MAST2: variants seen among roughly 807,000 people sequenced by gnomAD.
The protein encoded by MAST2 is microtubule associated serine/threonine kinase 2, also known as microtubule-associated serine/threonine-protein kinase 2.
MAST2 carries 70 observed loss-of-function variants against 147.4 expected under a neutral mutation model. The observed-to-expected ratio is 0.47, with a 90% CI of 0.39 to 0.58. The LOEUF is 0.58. Ranked by LOEUF, MAST2 falls within the 20% of genes least tolerant of loss-of-function variation. MAST2 has a pLI of 0.00. For missense variants in MAST2, 2,080 were observed against 2,302.3 expected (o/e 0.90, Z 1.98); for synonymous variants, 869 against 896.8 (o/e 0.97, Z 0.55).
In MAST2 at chr1:45,900,173, C is replaced by CAAAAAAAAAAAAAAAAA. The variant is rs59051138; in HGVS notation, c.500+17784_500+17800dup. 5.4e-4 allele frequency among the ~76,000 whole-genome samples: 29 copies of CAAAAAAAAAAAAAAAAA among 54,094 alleles called. 5 individuals carry two copies. The highest frequency in any genetic ancestry group is 2.4e-3 in the African/African-American group (27 of 11,380). The allele number at this position is 54,094 out of a possible 152,430, so 35.5% of individuals were successfully genotyped here. A position where few individuals can be genotyped will look rare whatever the true frequency, so the allele number is the denominator to read the frequency against. On this transcript the variant is annotated intron_variant, in intron 4 of 28. Transcript: ENST00000361297. The stretch of plus-strand genomic sequence containing the variant: ...CGACAGAGCGAGACTCTCTCTCTCT[C>CAAAAAAAAAAAAAAAAA]AAAAAAAAAAAAAAAAAAAAAAGAT...
At chr1:46,020,355 C>T (rs1646134424) in intron 11 of MAST2, among the ~76,000 whole-genome samples, 1 of 152,064 alleles carries the variant, frequency 6.6e-6, no homozygotes, top group African/African-American at 2.4e-5. Flanking sequence ...TTCAGTGGGG[C>T]ACAGGGTGGG....
intron 4 of MAST2, among the ~76,000 whole-genome samples, chr1:45,932,331 A>G (rs920900750): frequency 5.3e-5 from 8 of 152,164 alleles, no homozygotes; most frequent in African/African-American, 1.9e-4. Flanking sequence ...TCACCATAGC[A>G]AAAGCTTTCA....
chr1:45,835,362 A>G (rs1482293324), intron 3 of MAST2, among the ~76,000 whole-genome samples: 2 of 152,168 alleles, frequency 1.3e-5, no homozygotes, highest in Non-Finnish European at 2.9e-5. Flanking sequence ...TTAGAAAACA[A>G]TTCTACTAAA....
At position 46,025,802 on chromosome 1, in the gene MAST2, C is replaced by T; in HGVS notation, c.1906C>T (p.Leu636Phe). Residue 636 changes from leucine (L) to phenylalanine (F), a missense_variant, in exon 16 of 29, where the codon CTC (leucine) becomes TTC (phenylalanine). Coordinates refer to ENST00000361297, the MANE Select transcript of MAST2 (RefSeq NM_015112.3). ...CAACTATGGCATCGTGCACCGTGAC[C>T]TCAAGCCTGACAAGTATGTCCACAG... Reference protein sequence around the residue: ...LHNYGIVHRDLKPDNLLITSM... With the variant: ...LHNYGIVHRDFKPDNLLITSM... 1 of 1,614,214 alleles carries T rather than the reference C, an allele frequency of 6.2e-7. No individual in the cohort carries two copies. Among genetic ancestry groups the T allele is most frequent in the Non-Finnish European group, 8.5e-7 (1 of 1,180,036 alleles).
chr1:45,807,365 T>C (rs1644172037), intron 1 of MAST2, among the ~76,000 whole-genome samples: 1 of 152,146 alleles, frequency 6.6e-6, no homozygotes. Flanking sequence ...TGTTTGTAGA[T>C]GTTGAGGATG....
chr1:45,929,661 A>C (rs1654964173), intron 4 of MAST2, among the ~76,000 whole-genome samples: 1 of 152,224 alleles, frequency 6.6e-6, no homozygotes, highest in African/African-American at 2.4e-5. Context: ...GCTTAGGGCT[A>C]GAGAGTCCTG....
chr1:45,803,663 T>TGGG lies in MAST2; in HGVS notation c.-232_-230dup, dbSNP rs1436614280. 1 of 292,770 alleles carries TGGG rather than the reference T, an allele frequency of 3.4e-6. No homozygotes were observed. The highest frequency in any genetic ancestry group is 6.2e-6 in the Non-Finnish European group (1 of 160,984). The allele number at this position is 292,770 out of a possible 1,614,324, so 18.1% of individuals were successfully genotyped here. On this transcript the variant is annotated 5_prime_UTR_variant, in exon 1 of 29. Coordinates refer to ENST00000361297, the MANE Select transcript of MAST2 (RefSeq NM_015112.3). ...GGTGGCCTGCCCAACGTGTGCTGGG[T>TGGG]GGGAGAAGGCGAGGCGTCAGCGATG...
chr1:45,887,585 G>A (rs546032803), intron 4 of MAST2, among the ~76,000 whole-genome samples: 1 of 152,164 alleles, frequency 6.6e-6, no homozygotes, highest in Non-Finnish European at 1.5e-5. Context: ...GGGATGTGAT[G>A]TGTCAAACTT....
Position 45,882,344 on chromosome 1 carries a change from G to C in MAST2, c.469-20G>C. 6.2e-7 allele frequency: 1 copy of C among 1,603,226 alleles called. No homozygotes were observed. The highest frequency in any genetic ancestry group is 1.1e-5 in the South Asian group (1 of 90,720). The stretch of plus-strand genomic sequence containing the variant: ...TCAGATGGGTTCTTATTTCTAACTT[G>C]CATATGTTTTGTTTTTCAGAAGGAG... On this transcript the variant is annotated intron_variant, in intron 3 of 28. Transcript: ENST00000361297.
rs1244400856 is a variant in MAST2, at chr1:46,023,095, A to G, written c.1485+124A>G. The G allele has an allele frequency of 8.4e-7, 1 of 1,186,322 alleles. No individual in the cohort carries two copies. Among genetic ancestry groups the G allele is most frequent in the Non-Finnish European group, 1.3e-6 (1 of 798,084 alleles). 73.5% of individuals were successfully genotyped at this position (1,186,322 alleles called of 1,614,324 possible). A position where few individuals can be genotyped will look rare whatever the true frequency, so the allele number is the denominator to read the frequency against. ...GGAGTTGGTGACAGCAAACACTGAGAAGTCATTCTACTCCCAGAAGAATGA... is the reference window on the plus strand; with the variant it reads ...GGAGTTGGTGACAGCAAACACTGAGGAGTCATTCTACTCCCAGAAGAATGA... On this transcript the variant is annotated intron_variant, in intron 13 of 28. Transcript: ENST00000361297. This position sits in a 1 kb window ranked among gnomAD's most constrained non-coding sequence, Gnocchi z 4.9.
chr1:45,821,250 G>A (rs373889277), intron 1 of MAST2, among the ~76,000 whole-genome samples: 1 of 151,928 alleles, frequency 6.6e-6, no homozygotes, highest in African/African-American at 2.4e-5. Context: ...ATAGAATTCC[G>A]TATGTCATCC....
intron 4 of MAST2, among the ~76,000 whole-genome samples, chr1:45,947,126 G>A (rs779073532): frequency 3.3e-5 from 5 of 151,988 alleles, no homozygotes; most frequent in African/African-American, 4.8e-5. Flanking sequence ...TTAGCCTTCA[G>A]TTCCTTGTCC....
At chr1:45,855,787 A>G (rs1311589004) in intron 3 of MAST2, among the ~76,000 whole-genome samples, 1 of 152,138 alleles carries the variant, frequency 6.6e-6, no homozygotes, top group Non-Finnish European at 1.5e-5. Context: ...GTCATTTTCA[A>G]ATAGGACAGT....
intron 26 of MAST2, among the ~76,000 whole-genome samples, chr1:46,033,219 C>T (rs1646751741): frequency 6.6e-6 from 1 of 150,404 alleles, no homozygotes; most frequent in South Asian, 2.1e-4. Flanking sequence ...TTGCAGTGAG[C>T]TGAGGTCATA....
At chr1:45,941,533 C>T (rs1305102620) in intron 4 of MAST2, among the ~76,000 whole-genome samples, 1 of 152,238 alleles carries the variant, frequency 6.6e-6, no homozygotes, top group East Asian at 1.9e-4. Context: ...GCTGGAATTA[C>T]AGGCGTGAGC....
At chr1:45,963,061 A>T (rs1055763844) in intron 5 of MAST2, among the ~76,000 whole-genome samples, 12 of 152,196 alleles carry the variant, frequency 7.9e-5, no homozygotes, top group African/African-American at 2.9e-4. Flanking sequence ...TTTGTCAAAG[A>T]TCAGATGGTT....
chr1:45,988,068 A>G (rs934810272), intron 5 of MAST2, among the ~76,000 whole-genome samples: 14 of 152,164 alleles, frequency 9.2e-5, no homozygotes, highest in African/African-American at 3.4e-4. Context: ...GCTGTAGTGC[A>G]GTAGCCTGAT....
intron 4 of MAST2, among the ~76,000 whole-genome samples, chr1:45,956,274 A>C (rs1050290197): frequency 2.6e-4 from 39 of 152,148 alleles, no homozygotes; most frequent in Non-Finnish European, 5.1e-4. Flanking sequence ...CCTATTGTCA[A>C]CACTTCAAAC....
At chr1:45,812,307 CTA>C (rs1386735943) in intron 1 of MAST2, among the ~76,000 whole-genome samples, 1 of 151,780 alleles carries the variant, frequency 6.6e-6, no homozygotes, top group Non-Finnish European at 1.5e-5. Context: ...AGCAGAGAGT[CTA>C]TGGTGGCTTG....
Sources: gnomAD v4.1 joint callset for allele counts (sites outside exome capture counted in the v4.1 genomes callset) on GRCh38, gnomAD v4.1.1 for gene constraint, Gnocchi (gnomAD v3.1) non-coding constraint, MANE v1.5 for transcripts, NCBI Gene and HGNC (gene_info 2026-07-23, HGNC 2026-07-21) for gene names.